The following DPP10 variants were observed in gnomAD, a reference collection of about 807,000 sequenced individuals.
DPP10 encodes the protein dipeptidyl peptidase like 10.
DPP10 carries 33 observed loss-of-function variants against 120.9 expected under a neutral mutation model. The observed-to-expected ratio is 0.27, with a 90% CI of 0.21 to 0.37. The LOEUF (loss-of-function observed/expected upper bound fraction) is 0.37, where lower values mean the gene tolerates loss of function less well. Among genes scored for constraint, DPP10 ranks in the 10% least tolerant of loss-of-function variants. The pLI, the probability that DPP10 is intolerant of heterozygous loss-of-function variation, is 1.00. For missense variants in DPP10, 816 were observed against 942.8 expected (o/e 0.87, Z 1.76); for synonymous variants, 337 against 326.1 (o/e 1.03, Z -0.36).
rs186249407 is a variant in DPP10, at chr2:115,017,141, G to T, written c.61-292098G>T. Among the ~76,000 whole-genome samples, 664 of 151,072 alleles carry T rather than the reference G, an allele frequency of 4.4e-3. 5 individuals are homozygous for T. The highest frequency in any genetic ancestry group is 0.013 in the South Asian group (63 of 4,762). ...GTTAATGGGTGCAGCACACCAGCAT[G>T]GCACATGTATACATACGTAACTAAC... On this transcript the variant is annotated intron_variant, in intron 1 of 25. Coordinates refer to ENST00000410059, the MANE Select transcript of DPP10 (RefSeq NM_020868.6).
At chr2:115,090,361 G>T (rs1346933823) in intron 1 of DPP10, among the ~76,000 whole-genome samples, 1 of 151,998 alleles carries the variant, frequency 6.6e-6, no homozygotes, top group African/African-American at 2.4e-5. Context: ...TAATGGGGTG[G>T]GAAGGAGTAG....
chr2:115,157,088 C>T (rs576184634), intron 1 of DPP10, among the ~76,000 whole-genome samples: 11 of 152,078 alleles, frequency 7.2e-5, no homozygotes, highest in African/African-American at 2.4e-4. Context: ...AAATTTCTCA[C>T]GTTCTCAAGT....
chr2:114,741,928 T>C (rs1200301399), intron 1 of DPP10, among the ~76,000 whole-genome samples: 3 of 152,204 alleles, frequency 2.0e-5, no homozygotes, highest in African/African-American at 7.2e-5. Context: ...AGAATAAATA[T>C]GTTACTTTAA....
chr2:115,026,020 G>A (rs1043409584), intron 1 of DPP10, among the ~76,000 whole-genome samples: 1 of 151,972 alleles, frequency 6.6e-6, no homozygotes, highest in Non-Finnish European at 1.5e-5. Flanking sequence ...AAGCTTTTTA[G>A]CTTGATGTGA....
intron 1 of DPP10, among the ~76,000 whole-genome samples, chr2:114,547,549 A>C (rs1687519372): frequency 6.6e-6 from 1 of 152,060 alleles, no homozygotes; most frequent in Non-Finnish European, 1.5e-5. Flanking sequence ...CAACTCTAGG[A>C]ATGTTCCTTA....
At chr2:114,841,072 T>C (rs960720951) in intron 1 of DPP10, among the ~76,000 whole-genome samples, 1 of 152,186 alleles carries the variant, frequency 6.6e-6, no homozygotes, top group East Asian at 1.9e-4. Context: ...ACAGAAATTT[T>C]TGAATATGTA....
At chr2:115,231,634 A>G (rs936946447) in intron 1 of DPP10, among the ~76,000 whole-genome samples, 2 of 152,194 alleles carry the variant, frequency 1.3e-5, no homozygotes, top group African/African-American at 4.8e-5. Flanking sequence ...CGCCTATAAC[A>G]TCACTGGGAT....
intron 1 of DPP10, among the ~76,000 whole-genome samples, chr2:114,596,683 T>C (rs1239426293): frequency 6.6e-6 from 1 of 152,032 alleles, no homozygotes; most frequent in Non-Finnish European, 1.5e-5. Flanking sequence ...TTTCCAGTTA[T>C]CCTGCATAGT....
chr2:114,477,392 T>C (rs1314721285), intron 1 of DPP10, among the ~76,000 whole-genome samples: 1 of 152,132 alleles, frequency 6.6e-6, no homozygotes, highest in Non-Finnish European at 1.5e-5. Flanking sequence ...TATGAAATAC[T>C]ACATATATAT....
At chr2:114,746,621 T>C (rs996217944) in intron 1 of DPP10, among the ~76,000 whole-genome samples, 19 of 152,140 alleles carry the variant, frequency 1.2e-4, no homozygotes, top group South Asian at 4.1e-4. Flanking sequence ...GGATGGAACA[T>C]AGGGCTATGA....
intron 5 of DPP10, among the ~76,000 whole-genome samples, chr2:115,648,527 A>T (rs2087472789): frequency 6.6e-6 from 1 of 151,854 alleles, no homozygotes; most frequent in East Asian, 1.9e-4. Context: ...TACCCAGGTG[A>T]TGGGTTCTTA....
At chr2:115,227,922 T>A (rs1399374124) in intron 1 of DPP10, among the ~76,000 whole-genome samples, 1 of 108,184 alleles carries the variant, frequency 9.2e-6, no homozygotes, top group Non-Finnish European at 1.8e-5. Context: ...TTCTTTTTTT[T>A]CCTTTTTTTT....
chr2:115,680,228 A>C (rs1381282635), intron 5 of DPP10, among the ~76,000 whole-genome samples: 1 of 152,016 alleles, frequency 6.6e-6, no homozygotes, highest in Non-Finnish European at 1.5e-5. Context: ...TTTATTCAAC[A>C]ATATTTAATA....
At chr2:114,506,290 G>C (rs1251982778) in intron 1 of DPP10, among the ~76,000 whole-genome samples, 1 of 152,198 alleles carries the variant, frequency 6.6e-6, no homozygotes, top group Non-Finnish European at 1.5e-5. Flanking sequence ...ACTTCAGAGG[G>C]ACAGCTTGAT....
In DPP10 at chr2:115,836,742, T is replaced by G; in HGVS notation, c.2178T>G (p.Ala726=). The G allele has an allele frequency of 6.2e-7, 1 of 1,612,822 alleles. No homozygotes were observed. The highest frequency in any genetic ancestry group is 8.5e-7 in the Non-Finnish European group (1 of 1,179,436). ...EENILIIHGT[A]DTKVHFQHSA... ...ATATATTAATAATTCATGGAACTGC[T>G]GACAGTAAGTATTATACTTGCCGCT... Residue 726 remains alanine (A), a synonymous_variant, in exon 24 of 26, where the codon GCT becomes GCG. Transcript: ENST00000410059.
intron 11 of DPP10, among the ~76,000 whole-genome samples, chr2:115,758,722 G>C (rs770083335): frequency 1.3e-5 from 2 of 152,096 alleles, no homozygotes; most frequent in Non-Finnish European, 2.9e-5. Flanking sequence ...CAAAAACCTG[G>C]AGATGCTAGT....
At chr2:114,805,219 AG>A (rs1684621644) in intron 1 of DPP10, among the ~76,000 whole-genome samples, 1 of 152,162 alleles carries the variant, frequency 6.6e-6, no homozygotes, top group Non-Finnish European at 1.5e-5. Flanking sequence ...TTTTCTTCCC[AG>A]TCTCAGATAT....
intron 1 of DPP10, among the ~76,000 whole-genome samples, chr2:114,555,250 C>A (rs1395498593): frequency 6.6e-6 from 1 of 152,160 alleles, no homozygotes; most frequent in African/African-American, 2.4e-5. Flanking sequence ...ACTCTCCTTG[C>A]TTGTGGCAGG....
At chr2:115,382,978 G>A (rs1047087446) in intron 3 of DPP10, among the ~76,000 whole-genome samples, 5 of 152,326 alleles carry the variant, frequency 3.3e-5, no homozygotes, top group African/African-American at 7.2e-5. Flanking sequence ...TTTCTGCACA[G>A]GGGGTGCCAT....
Sources: gnomAD v4.1 joint callset for allele counts (sites outside exome capture counted in the v4.1 genomes callset) on GRCh38, gnomAD v4.1.1 for gene constraint, MANE v1.5 for transcripts, NCBI Gene and HGNC (gene_info 2026-07-23, HGNC 2026-07-21) for gene names.